Variants in TMEM50A observed in about 807,000 individuals in gnomAD.
The protein encoded by TMEM50A is cervical cancer oncogene 9.
A neutral mutation model predicts 23.9 loss-of-function variants in TMEM50A; 8 were observed. The ratio of observed to expected loss-of-function variants is 0.33; its 90% CI spans 0.20 to 0.60. The LOEUF is 0.60. TMEM50A is among the 20% of genes least tolerant of loss of function. The probability of loss-of-function intolerance (pLI) is 0.81; values close to 1 mark genes in which losing one functional copy is unlikely to be tolerated. For synonymous variants in TMEM50A, 55 were observed against 60.4 expected, an observed-to-expected ratio of 0.91 and a Z score of 0.41; for missense variants, 178 against 192.7, an observed-to-expected ratio of 0.92 and a Z score of 0.45.
chr1:25,358,073 G>C (rs1012426971), intron 6 of TMEM50A, among the ~76,000 whole-genome samples: 2 of 151,336 alleles, frequency 1.3e-5, no homozygotes, highest in African/African-American at 4.9e-5. Context: ...TCAGCCTCCC[G>C]AGTAGCTGGG....
At chr1:25,347,763 CTT>C (rs2124246457) in intron 3 of TMEM50A, among the ~76,000 whole-genome samples, 1 of 152,324 alleles carries the variant, frequency 6.6e-6, no homozygotes, top group East Asian at 1.9e-4. Context: ...AAAGGTCTGA[CTT>C]CAGAAGCCAC....
intron 6 of TMEM50A, among the ~76,000 whole-genome samples, chr1:25,357,561 GTT>G (rs1491455922): frequency 7.2e-5 from 10 of 139,146 alleles, no homozygotes; most frequent in African/African-American, 3.0e-4. Context: ...GTGTGTGTGT[GTT>G]GTGTGTGTGT....
At chr1:25,353,192 A>C (rs536525015) in intron 5 of TMEM50A, among the ~76,000 whole-genome samples, 1 of 152,284 alleles carries the variant, frequency 6.6e-6, no homozygotes, top group African/African-American at 2.4e-5. Context: ...TCTTATCCAG[A>C]GCCTGGAAGG....
intron 6 of TMEM50A, among the ~76,000 whole-genome samples, chr1:25,359,612 C>A (rs902874285): frequency 1.3e-5 from 2 of 152,082 alleles, no homozygotes; most frequent in African/African-American, 2.4e-5. Context: ...GTGGCCCATG[C>A]TTTGTGGGTT....
rs1439604350 is a variant in TMEM50A, at chr1:25,361,465, A to C, written c.*760A>C. The C allele has an allele frequency of 6.6e-6, 1 of 152,254 alleles. No individual in the cohort carries two copies. Among genetic ancestry groups the C allele is most frequent in the Admixed American group, 6.5e-5 (1 of 15,276 alleles). 9.4% of individuals were successfully genotyped at this position (152,254 alleles called of 1,614,324 possible). ...GACACTCCAGTCTTAGACAGGGGAC[A>C]ATTTCTTTGTAGTTGTTCTGATAAT... On this transcript the variant is annotated 3_prime_UTR_variant, in exon 7 of 7. Coordinates refer to ENST00000374358, the MANE Select transcript of TMEM50A (RefSeq NM_014313.4).
intron 3 of TMEM50A, among the ~76,000 whole-genome samples, chr1:25,350,753 C>T (rs1645266982): frequency 6.6e-6 from 1 of 152,152 alleles, no homozygotes; most frequent in Non-Finnish European, 1.5e-5. Context: ...TTTCTGGGCC[C>T]CATGCCCAGA....
At chr1:25,344,295 C>A (rs550981436) in intron 3 of TMEM50A, among the ~76,000 whole-genome samples, 1 of 152,138 alleles carries the variant, frequency 6.6e-6, no homozygotes, top group Non-Finnish European at 1.5e-5. Flanking sequence ...TGGAAGGTTT[C>A]GAGCAGAGGA....
Position 25,352,991 on chromosome 1 carries a change from G to T in TMEM50A, c.367+17G>T. ...TTGCTAAAGGTAAGAGAAAACATAG[G>T]TTACAATTTACTTCAGTGGAATACT... is the stretch of plus-strand genomic sequence containing the variant. On this transcript the variant is annotated intron_variant, in intron 5 of 6. Transcript: ENST00000374358. The T allele has an allele frequency of 6.3e-7, 1 of 1,595,682 alleles. No homozygotes were observed. Among genetic ancestry groups the T allele is most frequent in the Non-Finnish European group, 8.5e-7 (1 of 1,171,416 alleles).
At chr1:25,351,579 A>T in intron 3 of TMEM50A, 47 bp from the exon 4 acceptor site, 1 of 1,492,216 alleles carries the variant, frequency 6.7e-7, no homozygotes, top group Non-Finnish European at 9.1e-7. Flanking sequence ...GTTTCTGGTA[A>T]TTGGTGTCAT....
chr1:25,338,802 G>A (rs1645132400), intron 1 of TMEM50A: 1 of 152,180 alleles, frequency 6.6e-6, no homozygotes, highest in African/African-American at 2.4e-5. Flanking sequence ...CTCAGCGAGG[G>A]GTGCCCCGGC....
Position 25,360,883 on chromosome 1 carries a change from G to T in TMEM50A, c.*178G>T. 1.9e-6 allele frequency: 1 copy of T among 517,816 alleles called. No homozygotes were observed. 32.1% of individuals were successfully genotyped at this position (517,816 alleles called of 1,614,324 possible). On this transcript the variant is annotated 3_prime_UTR_variant, in exon 7 of 7. Transcript: ENST00000374358. ...TAAACAACAACCAAAAATCTATTGT[G>T]GTATGCACTTGATTAACTTATAAAA...
At chr1:25,344,384 C>A (rs567995296) in intron 3 of TMEM50A, among the ~76,000 whole-genome samples, 16 of 152,090 alleles carry the variant, frequency 1.1e-4, no homozygotes, top group African/African-American at 3.9e-4. Context: ...TATTGCAGTG[C>A]CAAATAGTAT....
At chr1:25,345,698 A>G (rs1216718702) in intron 3 of TMEM50A, among the ~76,000 whole-genome samples, 2 of 151,918 alleles carry the variant, frequency 1.3e-5, no homozygotes. Context: ...GTGAGCCGAG[A>G]TCACACCACT....
intron 4 of TMEM50A, among the ~76,000 whole-genome samples, 174 bp downstream of exon 4, chr1:25,351,867 C>G (rs973513938): frequency 1.3e-5 from 2 of 152,100 alleles, no homozygotes; most frequent in African/African-American, 4.8e-5. Flanking sequence ...ATATAACATT[C>G]TATTTGCCGT....
intron 3 of TMEM50A, among the ~76,000 whole-genome samples, chr1:25,343,556 G>T (rs752216854): frequency 6.6e-6 from 1 of 152,100 alleles, no homozygotes; most frequent in African/African-American, 2.4e-5. Context: ...AGGAGGGATA[G>T]AAATTAAAAA....
chr1:25,340,909 T>C (rs939268681), intron 2 of TMEM50A, among the ~76,000 whole-genome samples: 2 of 152,188 alleles, frequency 1.3e-5, no homozygotes, highest in African/African-American at 4.8e-5. Flanking sequence ...AACCAGTCAA[T>C]AGATGTGATT....
At chr1:25,358,649 G>A (rs1645361228) in intron 6 of TMEM50A, among the ~76,000 whole-genome samples, 1 of 152,192 alleles carries the variant, frequency 6.6e-6, no homozygotes, top group Non-Finnish European at 1.5e-5. Context: ...GCCTCTTTGG[G>A]TTATACCTTG....
At chr1:25,342,106 T>C (rs773598521) in intron 2 of TMEM50A, among the ~76,000 whole-genome samples, 2 of 152,206 alleles carry the variant, frequency 1.3e-5, no homozygotes, top group Non-Finnish European at 2.9e-5. Flanking sequence ...TTAAAAATGT[T>C]ATTAATCGAG....
chr1:25,351,525 A>C (rs1645275423), intron 3 of TMEM50A, 101 bp from the exon 4 acceptor site: 1 of 828,332 alleles, frequency 1.2e-6, no homozygotes, highest in East Asian at 3.1e-5. Flanking sequence ...AAAAAAAAAA[A>C]GACTTTCAGG....
Sources: gnomAD v4.1 joint callset for allele counts (sites outside exome capture counted in the v4.1 genomes callset) on GRCh38, gnomAD v4.1.1 for gene constraint, MANE v1.5 for transcripts, NCBI Gene and HGNC (gene_info 2026-07-23, HGNC 2026-07-21) for gene names.